The following DYNLRB1 variants were observed in gnomAD, a reference collection of about 807,000 sequenced individuals.
DYNLRB1 encodes ROBL/LC7-like 1.
Under a neutral mutation model 13.5 loss-of-function variants are expected in DYNLRB1, and 6 were observed. The ratio of observed to expected loss-of-function variants is 0.44; its 90% confidence interval spans 0.24 to 0.88. The LOEUF is 0.88. Among genes scored for constraint, DYNLRB1 ranks in the 40% least tolerant of loss-of-function variants. The pLI is 0.21. For missense variants in DYNLRB1, 93 were observed against 127.2 expected, an observed-to-expected ratio of 0.73 and a Z score of 1.29; for synonymous variants, 43 against 45.0, an observed-to-expected ratio of 0.96 and a Z score of 0.18.
intron 3 of DYNLRB1, 79 bp downstream of exon 3, chr20:34,534,874 G>A: frequency 6.2e-7 from 1 of 1,605,060 alleles, no homozygotes; most frequent in Non-Finnish European, 8.5e-7. Flanking sequence ...TCCTGGCACA[G>A]TGGTGTCTCC....
At chr20:34,530,001 T>G in intron 2 of DYNLRB1, 1 of 1,287,846 alleles carries the variant, frequency 7.8e-7, no homozygotes, top group Middle Eastern at 2.6e-4. Flanking sequence ...GAATCTCTTT[T>G]GGGCACTTCT....
chr20:34,536,876 C>A (rs889160473), intron 3 of DYNLRB1, among the ~76,000 whole-genome samples: 4 of 152,096 alleles, frequency 2.6e-5, no homozygotes. Flanking sequence ...TACTTGGTCT[C>A]CAAATCAGAC....
intron 2 of DYNLRB1, among the ~76,000 whole-genome samples, chr20:34,531,833 C>T (rs890822929): frequency 2.6e-5 from 4 of 152,072 alleles, no homozygotes; most frequent in African/African-American, 7.3e-5. Flanking sequence ...AAGTGTCACC[C>T]GAAGATGGAG....
At chr20:34,517,123 A>G (rs994071950) in intron 1 of DYNLRB1, among the ~76,000 whole-genome samples, 5 of 152,166 alleles carry the variant, frequency 3.3e-5, no homozygotes, top group African/African-American at 1.2e-4. Context: ...GTGGGTTCTC[A>G]ACGCCGTTAC....
At chr20:34,529,104 C>G (rs1980497059) in intron 2 of DYNLRB1, among the ~76,000 whole-genome samples, 1 of 152,206 alleles carries the variant, frequency 6.6e-6, no homozygotes, top group Non-Finnish European at 1.5e-5. Context: ...TACAGCAGTG[C>G]CTGTGTCTGT....
At chr20:34,529,934 G>T in intron 2 of DYNLRB1, 1 of 1,457,754 alleles carries the variant, frequency 6.9e-7, no homozygotes, top group Non-Finnish European at 9.1e-7. Flanking sequence ...GGTGGCCTGA[G>T]GCAACTCCTT....
chr20:34,521,335 A>G (rs1416847472), intron 1 of DYNLRB1, among the ~76,000 whole-genome samples: 1 of 152,124 alleles, frequency 6.6e-6, no homozygotes, highest in African/African-American at 2.4e-5. Flanking sequence ...TTTGTGAGGG[A>G]TGATGACCAT....
chr20:34,526,602 C>T (rs1980244793), intron 2 of DYNLRB1: 5 of 464,086 alleles, frequency 1.1e-5, no homozygotes, highest in Non-Finnish European at 1.6e-5. Context: ...GCATTCAGAC[C>T]AGCCACCTCC....
intron 2 of DYNLRB1, chr20:34,529,761 C>A: frequency 2.6e-6 from 3 of 1,150,268 alleles, no homozygotes; most frequent in Non-Finnish European, 3.3e-6. Context: ...ATTTCCAAGT[C>A]AGCAGAGCCC....
At chr20:34,535,657 C>T (rs962251675) in intron 3 of DYNLRB1, 2 of 985,214 alleles carry the variant, frequency 2.0e-6, no homozygotes, top group Non-Finnish European at 1.2e-6. Flanking sequence ...GTTGAGTGTG[C>T]GTGCGTCACG....
chr20:34,538,318 T>C (rs1170325224), intron 3 of DYNLRB1, among the ~76,000 whole-genome samples: 1 of 151,258 alleles, frequency 6.6e-6, no homozygotes, highest in East Asian at 2.0e-4. Context: ...GCACCAGTAT[T>C]CCCAGCTACT....
At chr20:34,526,396 AT>A in intron 2 of DYNLRB1, 53 bp downstream of exon 2, 1 of 1,579,462 alleles carries the variant, frequency 6.3e-7, no homozygotes, top group South Asian at 1.1e-5. Flanking sequence ...AGAAGCAGCC[AT>A]AACACAGCAT....
At chr20:34,533,972 AC>A (rs1369933006) in intron 2 of DYNLRB1, among the ~76,000 whole-genome samples, 4 of 152,072 alleles carry the variant, frequency 2.6e-5, no homozygotes, top group Admixed American at 2.6e-4. Context: ...CCTTGTCTCT[AC>A]TAAAAATACA....
chr20:34,528,742 A>C (rs1468644347), intron 2 of DYNLRB1, among the ~76,000 whole-genome samples: 1 of 152,144 alleles, frequency 6.6e-6, no homozygotes, highest in African/African-American at 2.4e-5. Flanking sequence ...AGGCCATGGC[A>C]GGACGATTGC....
rs1486065640 is a variant in DYNLRB1, at chr20:34,522,957, G to A, written c.4-3311G>A. On this transcript the variant is annotated intron_variant, in intron 1 of 3. Coordinates refer to ENST00000357156, the MANE Select transcript of DYNLRB1 (RefSeq NM_014183.4). ...TTTATTTGTTCCTTCAGTATTTATT[G>A]AGCCTATCCTATGCGAGGTACTGGG... 2.0e-5 allele frequency among the ~76,000 whole-genome samples: 3 copies of A among 152,148 alleles called. No homozygotes were observed. The East Asian group carries it at 5.8e-4, about 29-fold the overall frequency.
intron 1 of DYNLRB1, among the ~76,000 whole-genome samples, chr20:34,525,348 G>T (rs923978116): frequency 2.0e-5 from 3 of 152,172 alleles, no homozygotes; most frequent in African/African-American, 7.2e-5. Context: ...GTTCAGTTAA[G>T]CGGTGTTTAT....
At chr20:34,529,747 G>T in intron 2 of DYNLRB1, 60 of 934,340 alleles carry the variant, frequency 6.4e-5, no homozygotes, top group Non-Finnish European at 8.2e-5. Flanking sequence ...AAAAAAAAAT[G>T]TTGATTTCCA....
rs755138630 is a variant in DYNLRB1, at chr20:34,516,450, C to G, written c.-9C>G. The stretch of plus-strand genomic sequence containing the variant: ...TGTTCGCTACGCGGGGCTACCGGAT[C>G]GGTCGGAAATGGTGAGCGTGCGCCG... On this transcript the variant is annotated 5_prime_UTR_variant, in exon 1 of 4. The change creates a new upstream start codon in the 5' untranslated region. Transcript: ENST00000357156. 6 of 1,613,452 alleles carry G rather than the reference C, an allele frequency of 3.7e-6. No individual in the cohort carries two copies. In the East Asian group the frequency reaches 6.7e-5, roughly 18 times the overall value.
chr20:34,537,634 AC>A (rs1262470669), intron 3 of DYNLRB1, among the ~76,000 whole-genome samples: 1 of 152,050 alleles, frequency 6.6e-6, no homozygotes, highest in Non-Finnish European at 1.5e-5. Flanking sequence ...TGGTGCCAGA[AC>A]TCCTGTGGTC....
Sources: allele counts gnomAD v4.1 joint callset (sites outside exome capture counted in the v4.1 genomes callset), GRCh38; gene constraint gnomAD v4.1.1; transcripts MANE v1.5; gene names NCBI Gene and HGNC (gene_info 2026-07-23, HGNC 2026-07-21).